The following MAST4 variants were observed in gnomAD, a reference collection of about 807,000 sequenced individuals.
MAST4 encodes microtubule associated serine/threonine kinase family member 4, also known as microtubule-associated serine/threonine-protein kinase 4.
In MAST4, 89 loss-of-function variants were observed where a neutral mutation model predicts 162.7. The ratio of observed to expected loss-of-function variants is 0.55; its 90% confidence interval spans 0.46 to 0.65. The LOEUF (loss-of-function observed/expected upper bound fraction) is 0.65. Ranked by LOEUF, MAST4 falls within the 30% of genes least tolerant of loss-of-function variation. MAST4 has a pLI of 0.00. For missense variants in MAST4, 3,153 were observed against 3,374.0 expected, an observed-to-expected ratio of 0.93 and a Z score of 1.62; for synonymous variants, 1,479 against 1,361.1, an observed-to-expected ratio of 1.09 and a Z score of -1.91.
intron 5 of MAST4, among the ~76,000 whole-genome samples, chr5:67,072,584 T>G (rs1451226174): frequency 6.6e-6 from 1 of 152,234 alleles, no homozygotes; most frequent in Non-Finnish European, 1.5e-5. Context: ...TGGTAAAATT[T>G]GTTATATTCA....
At chr5:67,100,385 AAG>A in intron 7 of MAST4, 48 bp from the exon 8 acceptor site, 1 of 1,595,094 alleles carries the variant, frequency 6.3e-7, no homozygotes, top group Non-Finnish European at 8.6e-7. Context: ...TGTTCATTTG[AAG>A]AGTTTCTTTC....
chr5:66,789,700 C>A (rs979446954), intron 3 of MAST4: 1 of 518,438 alleles, frequency 1.9e-6, no homozygotes, highest in Non-Finnish European at 3.9e-6. Context: ...TGTGATCATC[C>A]AGTCAAAGTG....
chr5:66,832,088 G>C (rs1003835711), intron 3 of MAST4, among the ~76,000 whole-genome samples: 1 of 152,016 alleles, frequency 6.6e-6, no homozygotes, highest in Non-Finnish European at 1.5e-5. Context: ...GCATCGTAAG[G>C]CAGGCATGAC....
intron 3 of MAST4, among the ~76,000 whole-genome samples, chr5:66,852,066 A>G (rs1021578400): frequency 6.6e-6 from 1 of 152,232 alleles, no homozygotes; most frequent in African/African-American, 2.4e-5. Context: ...GTTATAATGG[A>G]AGTTTACTAA....
chr5:66,806,758 A>G (rs1756208454), intron 3 of MAST4, among the ~76,000 whole-genome samples: 1 of 152,102 alleles, frequency 6.6e-6, no homozygotes, highest in Non-Finnish European at 1.5e-5. Flanking sequence ...CTTTTTGTGC[A>G]TCCTAGTAAC....
In MAST4 at chr5:66,705,669, G is replaced by A. The variant is rs1363368718; in HGVS notation, c.364-54040G>A. Among the ~76,000 whole-genome samples the A allele has an allele frequency of 4.6e-5, 7 of 152,044 alleles. No homozygotes were observed. The Middle Eastern group carries it at 0.014, about 296-fold the overall frequency. On this transcript the variant is annotated intron_variant, in intron 1 of 28. Coordinates refer to ENST00000403625, the MANE Select transcript of MAST4 (RefSeq NM_001164664.2). ...CACTTAACTAGTATTTAAAAACTGA[G>A]CACTCAAAGCTTCATGATTTTTTAA... is the stretch of plus-strand genomic sequence containing the variant.
At chr5:67,028,112 C>T (rs898150374) in intron 4 of MAST4, among the ~76,000 whole-genome samples, 1 of 151,902 alleles carries the variant, frequency 6.6e-6, no homozygotes, top group Non-Finnish European at 1.5e-5. Flanking sequence ...GTCTGTCTTA[C>T]TCCTTCTTAG....
chr5:66,654,379 G>A (rs934798326), intron 1 of MAST4, among the ~76,000 whole-genome samples: 5 of 152,194 alleles, frequency 3.3e-5, no homozygotes, highest in Admixed American at 3.3e-4. Context: ...TTGCTGTGGA[G>A]TAAGTAGATC....
chr5:66,895,341 C>T (rs1276261663), intron 3 of MAST4, among the ~76,000 whole-genome samples: 2 of 152,152 alleles, frequency 1.3e-5, no homozygotes, highest in African/African-American at 2.4e-5. Context: ...TTTTCTATCA[C>T]TTATCTCCTG....
intron 26 of MAST4, among the ~76,000 whole-genome samples, chr5:67,156,033 TG>T (rs1314671781): frequency 5.7e-5 from 8 of 139,734 alleles, no homozygotes; most frequent in African/African-American, 2.2e-4. Context: ...CACTCCAGCC[TG>T]GGCGACAGAG....
At chr5:66,843,131 T>C (rs2149791591) in intron 3 of MAST4, among the ~76,000 whole-genome samples, 1 of 152,272 alleles carries the variant, frequency 6.6e-6, no homozygotes, top group East Asian at 1.9e-4. Context: ...AAAACCTCTT[T>C]TATATTGTTG....
intron 1 of MAST4, among the ~76,000 whole-genome samples, chr5:66,629,743 A>G (rs887463219): frequency 6.6e-6 from 1 of 152,184 alleles, no homozygotes; most frequent in Non-Finnish European, 1.5e-5. Flanking sequence ...ACTAATATTG[A>G]AACACCTTAT....
intron 1 of MAST4, among the ~76,000 whole-genome samples, chr5:66,632,059 C>T (rs1357082511): frequency 6.6e-6 from 1 of 152,108 alleles, no homozygotes; most frequent in Non-Finnish European, 1.5e-5. Context: ...AAAATCATAA[C>T]ATTTTTCTCC....
chr5:66,756,078 A>T (rs780484689), intron 1 of MAST4, among the ~76,000 whole-genome samples: 7 of 152,166 alleles, frequency 4.6e-5, no homozygotes, highest in Non-Finnish European at 8.8e-5. Context: ...ATCCCTTAAG[A>T]TGCTAACATG....
chr5:67,066,437 ATAC>A (rs1301859252), intron 5 of MAST4, among the ~76,000 whole-genome samples: 2 of 151,102 alleles, frequency 1.3e-5, no homozygotes, highest in African/African-American at 2.4e-5. Flanking sequence ...ATTTATATAT[ATAC>A]ATTTGTATAT....
chr5:67,110,309 C>A, intron 11 of MAST4, 110 bp downstream of exon 11: 2 of 752,842 alleles, frequency 2.7e-6, no homozygotes, highest in South Asian at 1.5e-5. Context: ...TGGAAAGAGT[C>A]AAAGGGAATT....
At chr5:66,763,570 A>C (rs1014191190) in intron 2 of MAST4, among the ~76,000 whole-genome samples, 2 of 152,228 alleles carry the variant, frequency 1.3e-5, no homozygotes, top group African/African-American at 4.8e-5. Flanking sequence ...CGCACATAAA[A>C]TGGAAAACAA....
intron 7 of MAST4, among the ~76,000 whole-genome samples, chr5:67,097,809 G>T (rs1043431849): frequency 1.3e-5 from 2 of 152,098 alleles, no homozygotes; most frequent in Non-Finnish European, 2.9e-5. Flanking sequence ...TTAGATGACG[G>T]ACTGCAGGTG....
intron 3 of MAST4, among the ~76,000 whole-genome samples, chr5:66,863,304 G>A (rs1320870203): frequency 2.0e-5 from 3 of 152,146 alleles, no homozygotes; most frequent in South Asian, 4.1e-4. Flanking sequence ...ACATAGGCAC[G>A]TCCACAGTGT....
Sources: gnomAD v4.1 joint callset for allele counts (sites outside exome capture counted in the v4.1 genomes callset) on GRCh38, gnomAD v4.1.1 for gene constraint, MANE v1.5 for transcripts, NCBI Gene and HGNC (gene_info 2026-07-23, HGNC 2026-07-21) for gene names.